TMOD3: variants seen among roughly 807,000 people sequenced by gnomAD.
TMOD3 encodes tropomodulin-3.
Under a neutral mutation model 39.2 loss-of-function variants are expected in TMOD3, and 20 were observed. The observed-to-expected ratio is 0.51, with a 90% CI of 0.36 to 0.74. The LOEUF is 0.74. Among genes scored for constraint, TMOD3 ranks in the 30% least tolerant of loss-of-function variants. TMOD3 has a pLI of 0.00. For synonymous variants in TMOD3, 143 were observed against 145.8 expected (o/e 0.98, Z 0.14); for missense variants, 381 against 412.8 (o/e 0.92, Z 0.67).
intron 1 of TMOD3, among the ~76,000 whole-genome samples, chr15:51,831,747 CT>C (rs140654829): frequency 8.6e-5 from 13 of 150,802 alleles, no homozygotes; most frequent in Admixed American, 1.3e-4. Flanking sequence ...TTTCTCTTTG[CT>C]TTTTTTTTCT....
At chr15:51,907,975 G>T (rs545287757) in intron 9 of TMOD3, among the ~76,000 whole-genome samples, 2 of 152,160 alleles carry the variant, frequency 1.3e-5, no homozygotes, top group East Asian at 3.9e-4. Context: ...ATATTACCAG[G>T]GTCTGAGATT....
chr15:51,899,147 T>A (rs942704115), intron 7 of TMOD3: 1 of 152,220 alleles, frequency 6.6e-6, no homozygotes, highest in Non-Finnish European at 1.5e-5. Flanking sequence ...TGGAAATTAG[T>A]ACATAATTTA....
chr15:51,906,974 C>A (rs556141862), intron 9 of TMOD3, among the ~76,000 whole-genome samples: 17 of 149,406 alleles, frequency 1.1e-4, no homozygotes, highest in African/African-American at 4.2e-4. Context: ...GAGCCGAGAT[C>A]GCGCCATTGC....
intron 3 of TMOD3, among the ~76,000 whole-genome samples, chr15:51,879,904 A>G (rs1297616466): frequency 1.4e-5 from 2 of 143,906 alleles, no homozygotes; most frequent in Non-Finnish European, 3.1e-5. Flanking sequence ...AAGAAATTCT[A>G]GGAGCAACAA....
chr15:51,897,478 A>T (rs1394929992), intron 7 of TMOD3, among the ~76,000 whole-genome samples: 1 of 142,182 alleles, frequency 7.0e-6, no homozygotes, highest in Non-Finnish European at 1.5e-5. Flanking sequence ...AACAAAAAAA[A>T]AAAATTTTTT....
chr15:51,889,263 C>T, intron 5 of TMOD3, 118 bp downstream of exon 5: 1 of 639,440 alleles, frequency 1.6e-6, no homozygotes, highest in Non-Finnish European at 2.7e-6. Context: ...TGAAACCTGA[C>T]ATTTCAGTTT....
intron 3 of TMOD3, 110 bp from the exon 4 acceptor site, chr15:51,887,479 A>T: frequency 4.4e-6 from 5 of 1,138,702 alleles, no homozygotes; most frequent in Middle Eastern, 2.5e-4. Context: ...ATTACTGTCG[A>T]TGTTAATCTT....
rs183506820 is a variant in TMOD3, at chr15:51,907,614, A to G, written c.1025-1162A>G. Among the ~76,000 whole-genome samples, 304 of 152,344 alleles carry G rather than the reference A, an allele frequency of 2.0e-3. 2 individuals carry two copies. Among genetic ancestry groups the G allele is most frequent in the African/African-American group, 7.0e-3 (289 of 41,578 alleles). On this transcript the variant is annotated intron_variant, in intron 9 of 9. Coordinates refer to ENST00000308580, the MANE Select transcript of TMOD3 (RefSeq NM_014547.5). ...CTGTCAAACAGCCAATTTAGGCCAA[A>G]GTACACACTACAGAAGTGACAGAGC...
chr15:51,865,475 A>T (rs2056440753), intron 2 of TMOD3, among the ~76,000 whole-genome samples: 1 of 152,196 alleles, frequency 6.6e-6, no homozygotes, highest in South Asian at 2.1e-4. Flanking sequence ...CTCCCAACTC[A>T]TGCACTATGG....
At chr15:51,903,944 C>T (rs1453671104) in intron 9 of TMOD3, among the ~76,000 whole-genome samples, 4 of 152,200 alleles carry the variant, frequency 2.6e-5, no homozygotes. Flanking sequence ...TAGTGCGCTA[C>T]ACAGCCACGA....
intron 1 of TMOD3, chr15:51,861,332 G>A (rs1009668217): frequency 4.3e-5 from 10 of 233,790 alleles, no homozygotes; most frequent in East Asian, 9.8e-5. Flanking sequence ...CTTCTCAACC[G>A]CGAACACGTG....
intron 1 of TMOD3, among the ~76,000 whole-genome samples, chr15:51,840,068 C>T (rs1244353885): frequency 2.6e-5 from 4 of 152,122 alleles, no homozygotes; most frequent in Non-Finnish European, 5.9e-5. Flanking sequence ...AAAATAGGTC[C>T]TTGCCCTCAA....
At chr15:51,838,668 T>C (rs1183532860) in intron 1 of TMOD3, among the ~76,000 whole-genome samples, 1 of 152,132 alleles carries the variant, frequency 6.6e-6, no homozygotes, top group Non-Finnish European at 1.5e-5. Context: ...TTGCTGAGCT[T>C]TTTTGCACCC....
intron 3 of TMOD3, among the ~76,000 whole-genome samples, chr15:51,883,296 CA>C (rs2056543672): frequency 6.6e-6 from 1 of 151,816 alleles, no homozygotes; most frequent in African/African-American, 2.4e-5. Context: ...TAAGCATTAG[CA>C]AAAATTTATA....
intron 1 of TMOD3, among the ~76,000 whole-genome samples, chr15:51,850,669 G>T (rs1319651424): frequency 2.6e-5 from 4 of 152,188 alleles, no homozygotes; most frequent in Non-Finnish European, 5.9e-5. Context: ...GTCAGTTCAT[G>T]TATTTTTTCT....
intron 1 of TMOD3, among the ~76,000 whole-genome samples, chr15:51,854,871 C>T (rs919591618): frequency 2.0e-5 from 3 of 152,130 alleles, no homozygotes; most frequent in African/African-American, 7.2e-5. Flanking sequence ...AAATTTAAAA[C>T]TCTTAGCAAA....
chr15:51,861,253 G>T, intron 1 of TMOD3: 1 of 399,650 alleles, frequency 2.5e-6, no homozygotes, highest in Non-Finnish European at 4.9e-6. Flanking sequence ...TCCAATTCAG[G>T]GAGCTGATCT....
chr15:51,875,302 T>C (rs554249932), intron 3 of TMOD3: 3 of 152,332 alleles, frequency 2.0e-5, no homozygotes, highest in African/African-American at 7.2e-5. Flanking sequence ...TGTAATCATA[T>C]TGTATGAACC....
At chr15:51,898,656 C>T (rs955373019) in intron 7 of TMOD3, among the ~76,000 whole-genome samples, 4 of 152,170 alleles carry the variant, frequency 2.6e-5, no homozygotes, top group African/African-American at 9.7e-5. Flanking sequence ...ATGTAGATAC[C>T]AGCCACAGTT....
Sources: allele counts gnomAD v4.1 joint callset (sites outside exome capture counted in the v4.1 genomes callset), GRCh38; gene constraint gnomAD v4.1.1; transcripts MANE v1.5; gene names NCBI Gene and HGNC (gene_info 2026-07-23, HGNC 2026-07-21).